Variants in LMTK2 observed in about 807,000 individuals in gnomAD.
LMTK2 encodes lemur tail kinase 2.
In LMTK2, 37 loss-of-function variants were observed where a neutral mutation model predicts 127.5. The ratio of observed to expected loss-of-function variants is 0.29; its 90% CI spans 0.22 to 0.38. The LOEUF is 0.38. Among genes scored for constraint, LMTK2 ranks in the 10% least tolerant of loss-of-function variants. The pLI is 1.00. For missense variants in LMTK2, 1,694 were observed against 1,920.3 expected (o/e 0.88, Z 2.20); for synonymous variants, 819 against 810.1 (o/e 1.01, Z -0.19).
Position 98,171,166 on chromosome 7 carries a change from G to A in LMTK2, c.658-375G>A, listed in dbSNP as rs897608481. Among the ~76,000 whole-genome samples the A allele has an allele frequency of 6.6e-6, 1 of 152,126 alleles. No homozygotes were observed. Among genetic ancestry groups the A allele is most frequent in the African/African-American group, 2.4e-5 (1 of 41,420 alleles). ...ATGAAGCGCTCACTGCCCAGGGGCC[G>A]CCTGGAGTCCATAGAACAGGCAGTG... On this transcript the variant is annotated intron_variant, in intron 6 of 13. Transcript: ENST00000297293. The surrounding 1 kb of genome is among the most constrained non-coding windows in gnomAD (Gnocchi z 5.1).
Position 98,192,595 on chromosome 7 carries a change from T to C in LMTK2, c.2130T>C (p.Asn710=). ...CLSDNLMHQD[N]FDPLNVQELS... ...CAGATAATCTTATGCACCAAGATAA[T>C]TTTGATCCATTGAATGTTCAAGAAT... Residue 710 remains asparagine (N), a synonymous_variant, in exon 11 of 14, where the codon AAT becomes AAC. Transcript: ENST00000297293. 1 of 1,613,326 alleles carries C rather than the reference T, an allele frequency of 6.2e-7. No homozygotes were observed. Among genetic ancestry groups the C allele is most frequent in the Non-Finnish European group, 8.5e-7 (1 of 1,179,862 alleles).
chr7:98,107,512 C>T (rs985925505), intron 1 of LMTK2, among the ~76,000 whole-genome samples: 1 of 152,226 alleles, frequency 6.6e-6, no homozygotes, highest in African/African-American at 2.4e-5. Context: ...GTAGCAGCCA[C>T]CGACCCCTCC....
At position 98,193,034 on chromosome 7, in the gene LMTK2, G is replaced by C; in HGVS notation, c.2569G>C (p.Asp857His). The change falls in exon 11 of 14, where the codon GAC (aspartate) becomes CAC (histidine). Residue 857 changes from aspartate to histidine, a missense_variant. This residue lies in a region of LMTK2 where 527 missense variants were observed against 539.8 expected (regional missense o/e 0.98). Transcript: ENST00000297293. This position sits in a 1 kb window ranked among gnomAD's most constrained non-coding sequence, Gnocchi z 4.1. ...TGTCCCGGAGGACTGTCTCCACCAG[G>C]ACATCAGTCCAGACGCTGTGACTGT... ...VIVPEDCLHQ[D>H]ISPDAVTVPV... 1 of 1,614,000 alleles carries C rather than the reference G, an allele frequency of 6.2e-7. No homozygotes were observed.
Position 98,204,228 on chromosome 7 carries a change from G to T in LMTK2, c.4483+42G>T. On this transcript the variant is annotated intron_variant, in intron 13 of 13. Coordinates refer to ENST00000297293, the MANE Select transcript of LMTK2 (RefSeq NM_014916.4). ...GCTGGGGATTGGGAGTGCAGGGTCG[G>T]GGGTGGGGCGCTGCAGCTGGGAGAT... The T allele has an allele frequency of 4.3e-6, 4 of 937,974 alleles. No homozygotes were observed. The South Asian group carries it at 5.2e-5, about 12-fold the overall frequency. The allele number at this position is 937,974 out of a possible 1,614,324, so 58.1% of individuals were successfully genotyped here.
chr7:98,174,843 G>A (rs544317453), intron 7 of LMTK2, among the ~76,000 whole-genome samples: 1 of 152,292 alleles, frequency 6.6e-6, no homozygotes, highest in Admixed American at 6.5e-5. Flanking sequence ...CCAGTGACAA[G>A]GTGAGAGACA....
intron 1 of LMTK2, among the ~76,000 whole-genome samples, chr7:98,114,390 C>A (rs1468396558): frequency 6.6e-6 from 1 of 151,940 alleles, no homozygotes; most frequent in Non-Finnish European, 1.5e-5. Context: ...CAGGTGGATA[C>A]CACCATGCCT....
chr7:98,155,601 C>A (rs1381469808), intron 5 of LMTK2, among the ~76,000 whole-genome samples: 1 of 152,154 alleles, frequency 6.6e-6, no homozygotes, highest in Non-Finnish European at 1.5e-5. Context: ...GCCGATTTCT[C>A]ATCAGAAACC....
At chr7:98,146,958 A>G (rs1384272160) in intron 3 of LMTK2, among the ~76,000 whole-genome samples, 7 of 152,202 alleles carry the variant, frequency 4.6e-5, no homozygotes, top group Non-Finnish European at 8.8e-5. Flanking sequence ...CTCCCTAAAC[A>G]TTTGTTTATC....
chr7:98,133,674 A>G lies in LMTK2; in HGVS notation c.104-3641A>G, dbSNP rs984694642. Among the ~76,000 whole-genome samples, 5 of 152,142 alleles carry G rather than the reference A, an allele frequency of 3.3e-5. No individual in the cohort carries two copies. The East Asian group carries it at 9.6e-4, about 29-fold the overall frequency. On this transcript the variant is annotated intron_variant, in intron 1 of 13. Coordinates refer to ENST00000297293, the MANE Select transcript of LMTK2 (RefSeq NM_014916.4). ...CTGAGGTTGAGTAAGTGTGGTTCAC[A>G]CTGAGGAAATCTAAGGGAGAGTAGG...
Position 98,207,558 on chromosome 7 carries a change from G to T in LMTK2, c.*2066G>T, listed in dbSNP as rs1797827008. 6.7e-6 allele frequency: 1 copy of T among 150,204 alleles called. No individual in the cohort carries two copies. The highest frequency in any genetic ancestry group is 2.5e-5 in the African/African-American group (1 of 40,710). The allele number at this position is 150,204 out of a possible 1,614,324, so 9.3% of individuals were successfully genotyped here. A position where few individuals can be genotyped will look rare whatever the true frequency, so the allele number is the denominator to read the frequency against. On this transcript the variant is annotated 3_prime_UTR_variant, in exon 14 of 14. Transcript: ENST00000297293. ...ATTAGAAGATGATTTTGCCAAAATTGTCATGACTCTGAATTCTTGCTGTGG... is the reference window on the plus strand; with the variant it reads ...ATTAGAAGATGATTTTGCCAAAATTTTCATGACTCTGAATTCTTGCTGTGG...
chr7:98,136,208 A>G lies in LMTK2; in HGVS notation c.104-1107A>G, dbSNP rs551640719. ...AAATAAGTGATGATGACTTTGGATT[A>G]CAGCCCGGAGAATAAATATCCGTGA... On this transcript the variant is annotated intron_variant, in intron 1 of 13. Transcript: ENST00000297293. Among the ~76,000 whole-genome samples, 81 of 152,356 alleles carry G rather than the reference A, an allele frequency of 5.3e-4. 1 individual carries two copies. Among genetic ancestry groups the G allele is most frequent in the African/African-American group, 1.9e-3 (79 of 41,586 alleles).
At chr7:98,158,463 T>A (rs1182736927) in intron 5 of LMTK2, among the ~76,000 whole-genome samples, 1 of 152,180 alleles carries the variant, frequency 6.6e-6, no homozygotes, top group Non-Finnish European at 1.5e-5. Flanking sequence ...TTTGTACAGA[T>A]CTGGTCTCCC....
rs1175783493 is a variant in LMTK2 at position 98,135,393 on chromosome 7, G to A, written c.104-1922G>A. ...AGTGATGTGCTCACAGCTCACTGCA[G>A]CCTCCTCCTCCTGGGCTGAAGCCAT... is the stretch of plus-strand genomic sequence containing the variant. On this transcript the variant is annotated intron_variant, in intron 1 of 13. Transcript: ENST00000297293. Among the ~76,000 whole-genome samples the A allele has an allele frequency of 2.0e-5, 3 of 152,052 alleles. No homozygotes were observed. The East Asian group carries it at 5.8e-4, about 29-fold the overall frequency.
At chr7:98,145,235 A>C (rs1370999888) in intron 3 of LMTK2, among the ~76,000 whole-genome samples, 1 of 151,406 alleles carries the variant, frequency 6.6e-6, no homozygotes, top group Non-Finnish European at 1.5e-5. Flanking sequence ...CCACTAAAAA[A>C]TTTACAGAAA....
At chr7:98,160,521 C>G (rs1411839415) in intron 6 of LMTK2, among the ~76,000 whole-genome samples, 1 of 152,140 alleles carries the variant, frequency 6.6e-6, no homozygotes, top group Non-Finnish European at 1.5e-5. Context: ...CATCTTCACT[C>G]TAGGATCAGT....
chr7:98,203,800 G>A (rs779658711), intron 12 of LMTK2, 94 bp downstream of exon 12: 15 of 1,574,386 alleles, frequency 9.5e-6, no homozygotes, highest in Admixed American at 6.9e-5. Flanking sequence ...CTTTAATGAC[G>A]CCCCCTGACA....
intron 6 of LMTK2, among the ~76,000 whole-genome samples, chr7:98,163,690 G>T (rs1424532342): frequency 6.6e-6 from 1 of 152,186 alleles, no homozygotes; most frequent in African/African-American, 2.4e-5. Context: ...TGAAGGGACC[G>T]AGGGTTGTCC....
At chr7:98,126,165 C>A (rs1026435032) in intron 1 of LMTK2, among the ~76,000 whole-genome samples, 6 of 152,050 alleles carry the variant, frequency 3.9e-5, no homozygotes, top group Non-Finnish European at 8.8e-5. Context: ...AAGTAAGGAG[C>A]AGACATTTAG....
chr7:98,111,759 C>T (rs932829275), intron 1 of LMTK2, among the ~76,000 whole-genome samples: 1 of 152,144 alleles, frequency 6.6e-6, no homozygotes. Context: ...GTGGTAGCTG[C>T]GTAACATGGC....
Sources: gnomAD v4.1 joint callset for allele counts (sites outside exome capture counted in the v4.1 genomes callset) on GRCh38, gnomAD v4.1.1 for gene constraint, gnomAD v4.1.1 regional missense constraint, Gnocchi (gnomAD v3.1) non-coding constraint, MANE v1.5 for transcripts, NCBI Gene and HGNC (gene_info 2026-07-23, HGNC 2026-07-21) for gene names.